The following PRDM10 variants were observed in gnomAD, a reference collection of about 807,000 sequenced individuals.
PRDM10 encodes the protein PR/SET domain 10.
Under a neutral mutation model 133.1 loss-of-function variants are expected in PRDM10, and 65 were observed. The ratio of observed to expected loss-of-function variants is 0.49; its 90% CI spans 0.40 to 0.60. The LOEUF is 0.60. PRDM10 is among the 20% of genes least tolerant of loss of function. The probability of loss-of-function intolerance (pLI) is 0.00; values close to 1 mark genes in which losing one functional copy is unlikely to be tolerated. For missense variants in PRDM10, 1,137 were observed against 1,507.1 expected (o/e 0.75, Z 4.07); for synonymous variants, 582 against 580.4 (o/e 1.00, Z -0.04).
At chr11:129,963,240 G>A (rs977053817) in intron 1 of PRDM10, among the ~76,000 whole-genome samples, 17 of 151,422 alleles carry the variant, frequency 1.1e-4, no homozygotes, top group African/African-American at 2.7e-4. Context: ...GACATAAAAG[G>A]CTCAGTAATT....
At chr11:129,996,781 TAAAC>T (rs2136006883) in intron 1 of PRDM10, among the ~76,000 whole-genome samples, 1 of 148,964 alleles carries the variant, frequency 6.7e-6, no homozygotes, top group East Asian at 1.9e-4. Flanking sequence ...CCAAAAGAGA[TAAAC>T]AAGTTTTGAA....
chr11:129,953,445 C>A (rs1156871404), intron 4 of PRDM10, among the ~76,000 whole-genome samples: 1 of 151,918 alleles, frequency 6.6e-6, no homozygotes, highest in South Asian at 2.1e-4. Flanking sequence ...AGGCATGCGC[C>A]ACCACGCCCA....
In PRDM10 at chr11:129,905,351, G is replaced by A. The variant is rs1591562939; in HGVS notation, c.3267+287C>T. On this transcript the variant is annotated intron_variant, in intron 20 of 20. Transcript: ENST00000360871. ...GCACTCCAGCCTGGCGACACAGCAA[G>A]ACTCTGTCTCAGAAAAAAAAAAAAA... Among the ~76,000 whole-genome samples the A allele has an allele frequency of 4.9e-5, 6 of 122,136 alleles. No homozygotes were observed. In the East Asian group the frequency reaches 1.5e-3, roughly 30 times the overall value. The allele number at this position is 122,136 out of a possible 152,430, so 80.1% of individuals were successfully genotyped here. A position where few individuals can be genotyped will look rare whatever the true frequency, so the allele number is the denominator to read the frequency against.
At chr11:129,919,202 C>T (rs1950448775) in intron 13 of PRDM10, among the ~76,000 whole-genome samples, 1 of 152,056 alleles carries the variant, frequency 6.6e-6, no homozygotes. Context: ...GAAACCCTGT[C>T]TCTATGAAAA....
intron 13 of PRDM10, among the ~76,000 whole-genome samples, chr11:129,919,173 C>G (rs1352132961): frequency 1.3e-5 from 2 of 152,076 alleles, no homozygotes; most frequent in African/African-American, 2.4e-5. Context: ...GAGTTTGAGA[C>G]CAGCCTGGCC....
At position 129,983,103 on chromosome 11, in the gene PRDM10, A is replaced by AAT. The variant is rs1938205972; in HGVS notation, c.-119+19617_-119+19618dup. Reference sequence around the variant, plus strand: ...GTGATTCTCCTGTGTCAACCTCCCGAATAGCTGGGATTACAGGTGCGCACC... The same window carrying AAT: ...GTGATTCTCCTGTGTCAACCTCCCGAATATAGCTGGGATTACAGGTGCGCACC... On this transcript the variant is annotated intron_variant, in intron 1 of 20. Coordinates refer to ENST00000360871, the MANE Select transcript of PRDM10 (RefSeq NM_199437.2). Among the ~76,000 whole-genome samples the AAT allele has an allele frequency of 2.6e-5, 4 of 151,636 alleles. No homozygotes were observed. The South Asian group carries it at 8.3e-4, about 32-fold the overall frequency.
rs149537265 is a variant in PRDM10, at chr11:129,959,454, C to T, written c.69+1442G>A. ...CTCCAGACAAGCTATCCAAGCTTTT[C>T]TGCTTGGTCTTCATCATTCATTAAA... On this transcript the variant is annotated intron_variant, in intron 2 of 20. Coordinates refer to ENST00000360871, the MANE Select transcript of PRDM10 (RefSeq NM_199437.2). 2.4e-3 allele frequency among the ~76,000 whole-genome samples: 373 copies of T among 152,284 alleles called. 2 individuals carry two copies. Among genetic ancestry groups the T allele is most frequent in the Middle Eastern group, 3.4e-3 (1 of 294 alleles).
At chr11:129,922,690 T>G (rs1950552089) in intron 13 of PRDM10, among the ~76,000 whole-genome samples, 1 of 152,218 alleles carries the variant, frequency 6.6e-6, no homozygotes, top group African/African-American at 2.4e-5. Context: ...ATTTATTTAT[T>G]TAACTTTTAT....
intron 20 of PRDM10, 62 bp from the exon 21 acceptor site, chr11:129,902,578 G>A: frequency 6.5e-7 from 1 of 1,548,682 alleles, no homozygotes; most frequent in Non-Finnish European, 8.7e-7. Flanking sequence ...TGAAGCTACT[G>A]GGGAAGGAGG....
chr11:129,932,427 T>G (rs1950900178), intron 9 of PRDM10, among the ~76,000 whole-genome samples, 196 bp from the exon 10 acceptor site: 1 of 152,196 alleles, frequency 6.6e-6, no homozygotes, highest in South Asian at 2.1e-4. Context: ...CTATTACAGC[T>G]TAAAGATATG....
chr11:129,970,396 A>G (rs998325719), intron 1 of PRDM10, among the ~76,000 whole-genome samples: 1 of 152,176 alleles, frequency 6.6e-6, no homozygotes, highest in Non-Finnish European at 1.5e-5. Context: ...AGGAGCTACA[A>G]TGTAACCTGG....
At chr11:130,002,532 C>T (rs1939480749) in intron 1 of PRDM10, among the ~76,000 whole-genome samples, 190 bp downstream of exon 1, 1 of 151,550 alleles carries the variant, frequency 6.6e-6, no homozygotes, top group African/African-American at 2.4e-5. Flanking sequence ...CGGGATTTCT[C>T]CCCCCCACCA....
At chr11:129,935,840 G>C (rs749556814) in intron 8 of PRDM10, among the ~76,000 whole-genome samples, 9 of 152,202 alleles carry the variant, frequency 5.9e-5, no homozygotes, top group Non-Finnish European at 1.3e-4. Flanking sequence ...TTTGTCCCTA[G>C]TTGGTAACCT....
chr11:129,949,254 G>A (rs1293818903), intron 4 of PRDM10, among the ~76,000 whole-genome samples: 1 of 152,156 alleles, frequency 6.6e-6, no homozygotes. Flanking sequence ...CCCTTAGCAA[G>A]TTACTACACT....
intron 18 of PRDM10, 78 bp downstream of exon 18, chr11:129,912,007 G>T: frequency 7.0e-7 from 1 of 1,433,802 alleles, no homozygotes. Flanking sequence ...GGTCTGAAGA[G>T]AATGTCTTCC....
chr11:129,968,866 A>T (rs1951958891), intron 1 of PRDM10, among the ~76,000 whole-genome samples: 1 of 152,258 alleles, frequency 6.6e-6, no homozygotes, highest in Admixed American at 6.5e-5. Flanking sequence ...GCAATATAGA[A>T]ACATAGCAAA....
At chr11:129,960,782 T>G in intron 2 of PRDM10, 114 bp downstream of exon 2, 2 of 1,053,976 alleles carry the variant, frequency 1.9e-6, no homozygotes, top group African/African-American at 1.6e-5. Flanking sequence ...GAGTTCTTCA[T>G]GTCGGCTCCT....
At chr11:129,989,311 GA>G (rs534899256) in intron 1 of PRDM10, among the ~76,000 whole-genome samples, 3 of 146,896 alleles carry the variant, frequency 2.0e-5, no homozygotes, top group East Asian at 2.0e-4. Context: ...CTCTGGGAGG[GA>G]AAAAAAAAAG....
Position 129,947,486 on chromosome 11 carries a change from A to C in PRDM10, c.295-116T>G. On this transcript the variant is annotated intron_variant, in intron 4 of 20. Transcript: ENST00000360871. The surrounding 1 kb of genome is among the most constrained non-coding windows in gnomAD (Gnocchi z 4.6). The stretch of plus-strand genomic sequence containing the variant: ...TGGCTGAAATCTAGTCTTCCTACCA[A>C]CTCCTTCCAGGCCCTGGAAAAATGA... The C allele has an allele frequency of 2.6e-6, 4 of 1,543,798 alleles. No individual in the cohort carries two copies. Among genetic ancestry groups the C allele is most frequent in the East Asian group, 4.6e-5 (2 of 43,852 alleles).
Sources: gnomAD v4.1 joint callset for allele counts (sites outside exome capture counted in the v4.1 genomes callset) on GRCh38, gnomAD v4.1.1 for gene constraint, Gnocchi (gnomAD v3.1) non-coding constraint, MANE v1.5 for transcripts, NCBI Gene and HGNC (gene_info 2026-07-23, HGNC 2026-07-21) for gene names.